Variants in AGBL4 observed in about 807,000 individuals in gnomAD.
AGBL4 encodes AGBL carboxypeptidase 4.
A neutral mutation model predicts 66.4 loss-of-function variants in AGBL4; 58 were observed. The observed-to-expected ratio is 0.87, with a 90% CI of 0.71 to 1.09. AGBL4 has a LOEUF of 1.09. AGBL4 is among the 50% of genes least tolerant of loss of function. The probability of loss-of-function intolerance (pLI) is 0.00; values close to 1 mark genes in which losing one functional copy is unlikely to be tolerated. For synonymous variants in AGBL4, 234 were observed against 222.9 expected (o/e 1.05, Z -0.44); for missense variants, 579 against 631.0 (o/e 0.92, Z 0.88).
At chr1:49,020,280 A>T (rs1195457662) in intron 5 of AGBL4, among the ~76,000 whole-genome samples, 1 of 152,218 alleles carries the variant, frequency 6.6e-6, no homozygotes, top group Non-Finnish European at 1.5e-5. Context: ...TGAGTCTTCA[A>T]AGAAAATGTA....
At chr1:49,883,573 T>C (rs1431264280) in intron 1 of AGBL4, among the ~76,000 whole-genome samples, 1 of 152,086 alleles carries the variant, frequency 6.6e-6, no homozygotes, top group Non-Finnish European at 1.5e-5. Flanking sequence ...CTTGGCACAA[T>C]GTCAGTAATC....
intron 4 of AGBL4, among the ~76,000 whole-genome samples, chr1:49,049,599 C>A (rs574391777): frequency 3.3e-5 from 5 of 151,944 alleles, no homozygotes; most frequent in Non-Finnish European, 5.9e-5. Context: ...AGGGAAAAAA[C>A]CTTCTTATCC....
At chr1:49,937,402 C>T (rs1476103880) in intron 1 of AGBL4, among the ~76,000 whole-genome samples, 1 of 152,012 alleles carries the variant, frequency 6.6e-6, no homozygotes, top group Non-Finnish European at 1.5e-5. Flanking sequence ...GAGACTTTAA[C>T]ACCCCACTGT....
At chr1:49,088,607 T>G (rs1333263049) in intron 4 of AGBL4, among the ~76,000 whole-genome samples, 1 of 152,118 alleles carries the variant, frequency 6.6e-6, no homozygotes, top group Non-Finnish European at 1.5e-5. Flanking sequence ...TAAAGCAAGT[T>G]CTTAGAGACC....
chr1:49,236,699 T>TA (rs1270511702), intron 4 of AGBL4, among the ~76,000 whole-genome samples: 1 of 152,158 alleles, frequency 6.6e-6, no homozygotes, highest in Non-Finnish European at 1.5e-5. Flanking sequence ...TGTTACAATA[T>TA]GTGTGTATAG....
intron 3 of AGBL4, among the ~76,000 whole-genome samples, chr1:49,321,565 C>G (rs146482184): frequency 6.6e-6 from 1 of 152,172 alleles, no homozygotes; most frequent in Non-Finnish European, 1.5e-5. Flanking sequence ...ACCCAACAAT[C>G]CCACTTCTAG....
intron 2 of AGBL4, among the ~76,000 whole-genome samples, chr1:49,768,328 T>C (rs556428689): frequency 6.6e-6 from 1 of 152,208 alleles, no homozygotes; most frequent in South Asian, 2.1e-4. Flanking sequence ...TAATTGACCA[T>C]GTTCAAGTAG....
intron 3 of AGBL4, among the ~76,000 whole-genome samples, chr1:49,388,920 G>A (rs988141592): frequency 6.6e-6 from 1 of 152,118 alleles, no homozygotes; most frequent in Non-Finnish European, 1.5e-5. Flanking sequence ...AGGTTCCTGG[G>A]ATACAAATAT....
chr1:49,773,667 T>C (rs1054909512), intron 2 of AGBL4, among the ~76,000 whole-genome samples: 1 of 152,180 alleles, frequency 6.6e-6, no homozygotes, highest in African/African-American at 2.4e-5. Flanking sequence ...GCTAGAAGGT[T>C]GTGTGTCTGA....
At chr1:49,802,874 AT>A (rs1490044274) in intron 2 of AGBL4, among the ~76,000 whole-genome samples, 1 of 152,166 alleles carries the variant, frequency 6.6e-6, no homozygotes, top group Non-Finnish European at 1.5e-5. Context: ...TTCTACCAAT[AT>A]GTCTGCTGAT....
chr1:49,933,218 C>T (rs973836477), intron 1 of AGBL4, among the ~76,000 whole-genome samples: 1 of 152,042 alleles, frequency 6.6e-6, no homozygotes, highest in African/African-American at 2.4e-5. Context: ...AAGGCTATCA[C>T]CAATTTCCCA....
intron 3 of AGBL4, among the ~76,000 whole-genome samples, chr1:49,640,274 G>A (rs112339417): frequency 2.3e-4 from 35 of 152,272 alleles, no homozygotes; most frequent in South Asian, 1.9e-3. Context: ...TGTTGCCAAG[G>A]TGATGGGGAT....
At chr1:49,651,793 C>T (rs1303814693) in intron 3 of AGBL4, among the ~76,000 whole-genome samples, 2 of 152,072 alleles carry the variant, frequency 1.3e-5, no homozygotes, top group Non-Finnish European at 2.9e-5. Flanking sequence ...AGAACTCTGG[C>T]AGTACAAAAA....
At chr1:49,351,994 T>A (rs1643919393) in intron 3 of AGBL4, among the ~76,000 whole-genome samples, 1 of 152,234 alleles carries the variant, frequency 6.6e-6, no homozygotes, top group Middle Eastern at 3.2e-3. Flanking sequence ...CTCTGTACTC[T>A]TTTTCAATTA....
chr1:49,982,042 G>A (rs994047011), intron 1 of AGBL4, among the ~76,000 whole-genome samples: 1 of 152,224 alleles, frequency 6.6e-6, no homozygotes, highest in African/African-American at 2.4e-5. Flanking sequence ...TGCAGCTAAA[G>A]TACTGTTTTG....
intron 6 of AGBL4, among the ~76,000 whole-genome samples, chr1:48,740,436 A>G (rs1242895252): frequency 6.6e-6 from 1 of 152,210 alleles, no homozygotes; most frequent in Non-Finnish European, 1.5e-5. Context: ...TTAAAATTTG[A>G]TGGTCTTTGC....
chr1:49,642,238 T>C (rs1645796332), intron 3 of AGBL4, among the ~76,000 whole-genome samples: 1 of 152,012 alleles, frequency 6.6e-6, no homozygotes, highest in Non-Finnish European at 1.5e-5. Flanking sequence ...CCTTCCTGCA[T>C]GAAACAAATT....
chr1:48,994,093 G>T (rs1660822127), intron 5 of AGBL4, among the ~76,000 whole-genome samples: 4 of 152,134 alleles, frequency 2.6e-5, no homozygotes, highest in African/African-American at 9.7e-5. Context: ...AGACCCTTCA[G>T]TCTTGATTCT....
At chr1:49,324,571 G>A (rs150529312) in intron 3 of AGBL4, among the ~76,000 whole-genome samples, 2 of 152,356 alleles carry the variant, frequency 1.3e-5, no homozygotes, top group East Asian at 3.9e-4. Flanking sequence ...GCATTAGAAA[G>A]TACTGAATTT....
Sources: gnomAD v4.1 joint callset for allele counts (sites outside exome capture counted in the v4.1 genomes callset) on GRCh38, gnomAD v4.1.1 for gene constraint, MANE v1.5 for transcripts, NCBI Gene and HGNC (gene_info 2026-07-23, HGNC 2026-07-21) for gene names.